The following KCP variants were observed in gnomAD, a reference collection of about 807,000 sequenced individuals.
KCP encodes the protein kielin cysteine rich BMP regulator, also known as kielin/chordin-like protein.
KCP carries 194 observed loss-of-function variants against 212.7 expected under a neutral mutation model. The observed-to-expected ratio is 0.91, with a 90% CI of 0.81 to 1.03. KCP has a LOEUF of 1.03. KCP is among the 50% of genes least tolerant of loss of function. The pLI is 0.00. For missense variants in KCP, 2,080 were observed against 2,162.5 expected (o/e 0.96, Z 0.76); for synonymous variants, 833 against 865.3 (o/e 0.96, Z 0.65).
Position 128,888,912 on chromosome 7 carries a change from G to C in KCP, c.2463C>G (p.Gly821=). 6.4e-7 allele frequency: 1 copy of C among 1,550,676 alleles called. No individual in the cohort carries two copies. Among genetic ancestry groups the C allele is most frequent in the South Asian group, 1.2e-5 (1 of 84,000 alleles). The part of the protein sequence containing the change: ...TCGRRPCEPP[G]CSHPLIPSGH... ...CAGAGGGGATGAGTGGGTGGCTGCAGCCCGGAGGCTCACAGGGCCGGCGGC... is the reference window on the plus strand; with the variant it reads ...CAGAGGGGATGAGTGGGTGGCTGCACCCCGGAGGCTCACAGGGCCGGCGGC... The change falls in exon 22 of 40, where the codon GGC becomes GGG. Residue 821 remains glycine (G), a synonymous_variant. Transcript: ENST00000610776.
At chr7:128,901,525 C>T (rs756387519) in intron 8 of KCP, among the ~76,000 whole-genome samples, 5 of 151,920 alleles carry the variant, frequency 3.3e-5, no homozygotes, top group East Asian at 1.9e-4. Flanking sequence ...ACTCGGGATA[C>T]GGAGGCAGGA....
At chr7:128,897,655 T>C (rs1794608806) in intron 8 of KCP, among the ~76,000 whole-genome samples, 1 of 152,256 alleles carries the variant, frequency 6.6e-6, no homozygotes, top group South Asian at 2.1e-4. Context: ...ACATTTGGTC[T>C]AAATTATGCA....
Position 128,909,652 on chromosome 7 carries a change from C to T in KCP, c.76+949G>A, listed in dbSNP as rs192374149. 4.2e-4 allele frequency among the ~76,000 whole-genome samples: 64 copies of T among 152,294 alleles called. 1 individual carries two copies. Among genetic ancestry groups the T allele is most frequent in the Admixed American group, 3.9e-3 (59 of 15,308 alleles). ...GCTGAAGACAAAGCGTCCCTGCCTC[C>T]ATCTGTGCCCCTTCTCTCCACTCGA... On this transcript the variant is annotated intron_variant, in intron 1 of 39. Coordinates refer to ENST00000610776, the MANE Select transcript of KCP (RefSeq NM_001366122.1).
intron 1 of KCP, among the ~76,000 whole-genome samples, chr7:128,910,260 A>C (rs1164017002): frequency 6.6e-6 from 1 of 152,196 alleles, no homozygotes; most frequent in Non-Finnish European, 1.5e-5. Flanking sequence ...GGAGGGCCAG[A>C]CACAGATGCA....
At chr7:128,910,502 G>C in intron 1 of KCP, 99 bp downstream of exon 1, 1 of 1,155,390 alleles carries the variant, frequency 8.7e-7, no homozygotes, top group Admixed American at 2.9e-5. Flanking sequence ...GCAGGGCTAA[G>C]AGCAGAGCCC....
intron 2 of KCP, among the ~76,000 whole-genome samples, 167 bp downstream of exon 2, chr7:128,908,259 A>AAAGAAAGAAAG (rs1795247816): frequency 9.2e-6 from 1 of 108,198 alleles, no homozygotes; most frequent in Non-Finnish European, 2.2e-5. Flanking sequence ...AAGAAGAAAG[A>AAAGAAAGAAAG]AAGAAAGAAA....
chr7:128,902,455 T>G (rs1264058325), intron 8 of KCP, among the ~76,000 whole-genome samples: 1 of 152,196 alleles, frequency 6.6e-6, no homozygotes, highest in Admixed American at 6.5e-5. Context: ...CAGCACAGTT[T>G]TAGATGCCTC....
chr7:128,889,162 G>C (rs560030633), intron 21 of KCP, 123 bp from the exon 22 acceptor site: 1 of 707,278 alleles, frequency 1.4e-6, no homozygotes, highest in African/African-American at 1.9e-5. Context: ...CGTGGGGGCT[G>C]GGGGGTCACA....
At chr7:128,906,139 G>A (rs1238783233) in intron 5 of KCP, 140 bp downstream of exon 5, 5 of 704,260 alleles carry the variant, frequency 7.1e-6, no homozygotes, top group Non-Finnish European at 1.3e-5. Flanking sequence ...TTGTGCATGG[G>A]TTCTGCACTC....
At position 128,886,915 on chromosome 7, in the gene KCP, G is replaced by T; in HGVS notation, c.2650C>A (p.His884Asn). Reference sequence around the variant, plus strand: ...CAGAAGCAGGGGCCTGGAGAGGGGTGGGGGCAGAGAGCTGGGGGACATGGC... The same window carrying T: ...CAGAAGCAGGGGCCTGGAGAGGGGTTGGGGCAGAGAGCTGGGGGACATGGC... The part of the protein sequence containing the change: ...KKPCPPALCP[H>N]PSPGPCFCPV... Residue 884 changes from histidine to asparagine, a missense_variant, in exon 24 of 40, where the codon CAC becomes AAC. Transcript: ENST00000610776. 3 of 1,531,878 alleles carry T rather than the reference G, an allele frequency of 2.0e-6. No homozygotes were observed. Among genetic ancestry groups the T allele is most frequent in the East Asian group, 2.4e-5 (1 of 40,854 alleles). The allele number at this position is 1,531,878 out of a possible 1,614,324, so 94.9% of individuals were successfully genotyped here. A position where few individuals can be genotyped will look rare whatever the true frequency, so the allele number is the denominator to read the frequency against.
intron 22 of KCP, among the ~76,000 whole-genome samples, chr7:128,888,119 TACAC>T (rs199831809): frequency 0.034 from 3,984 of 117,992 alleles, 87 homozygotes; most frequent in African/African-American, 0.061. Context: ...GCTACAGCCA[TACAC>T]ACACACACAC....
intron 22 of KCP, 101 bp downstream of exon 22, chr7:128,888,762 G>A: frequency 8.8e-7 from 1 of 1,132,376 alleles, no homozygotes. Context: ...AAAGTATGGT[G>A]GAGCGGCAGG....
In KCP at chr7:128,877,113, A is replaced by G. The variant is rs1793032875; in HGVS notation, c.4817T>C (p.Val1606Ala). 1.3e-6 allele frequency: 2 copies of G among 1,513,876 alleles called. No homozygotes were observed. The highest frequency in any genetic ancestry group is 2.8e-5 in the African/African-American group (2 of 70,764). The allele number at this position is 1,513,876 out of a possible 1,614,324, so 93.8% of individuals were successfully genotyped here. ...HCIPPEACPQ[V>A]LLTGDQPLGA... Reference sequence around the variant, plus strand: ...AAGTGGCTGGTCTCCAGTGAGCAGGACTTGGGGGCAGGCCTCGGGTGGGAT... The same window carrying G: ...AAGTGGCTGGTCTCCAGTGAGCAGGGCTTGGGGGCAGGCCTCGGGTGGGAT... Residue 1606 changes from valine to alanine, a missense_variant, in exon 40 of 40, where the codon GTC becomes GCC. By Grantham distance (64) the Val-to-Ala change is moderately conservative. Transcript: ENST00000610776.
In KCP at chr7:128,891,283, GGACC is replaced by G; in HGVS notation, c.1879-9_1879-6del. 1.9e-6 allele frequency: 3 copies of G among 1,547,400 alleles called. No individual in the cohort carries two copies. Among genetic ancestry groups the G allele is most frequent in the Non-Finnish European group, 2.6e-6 (3 of 1,146,644 alleles). On this transcript the variant is annotated splice_polypyrimidine_tract_variant and splice_region_variant and intron_variant, in intron 18 of 39. Transcript: ENST00000610776. Reference sequence around the variant, plus strand: ...CAGGCACTGCACGTTGCCGCTCTACGGACCGACAGACGCACCACGGGTCAGTGGG... The same window carrying G: ...CAGGCACTGCACGTTGCCGCTCTACGGACAGACGCACCACGGGTCAGTGGG...
In KCP at chr7:128,881,547, C is replaced by A. The variant is rs1585196696; in HGVS notation, c.3424+79G>T. ...CCGAGTACAAACCCTGGGCTGCCCG[C>A]TTGGCCCATGAATGCCTCCCCTTCC... On this transcript the variant is annotated intron_variant, in intron 31 of 39. Coordinates refer to ENST00000610776, the MANE Select transcript of KCP (RefSeq NM_001366122.1). The A allele has an allele frequency of 3.9e-6, 4 of 1,017,450 alleles. No homozygotes were observed. The East Asian group carries it at 1.1e-4, about 29-fold the overall frequency. The allele number at this position is 1,017,450 out of a possible 1,614,324, so 63.0% of individuals were successfully genotyped here.
chr7:128,910,234 G>C (rs1362755399), intron 1 of KCP, among the ~76,000 whole-genome samples: 1 of 152,130 alleles, frequency 6.6e-6, no homozygotes, highest in Non-Finnish European at 1.5e-5. Flanking sequence ...CTCCATTCCC[G>C]CCTGTCCTGC....
chr7:128,881,683 TGAGCTCAGGACAAG>T lies in KCP; in HGVS notation c.3353_3366del (p.Ala1118GlufsTer76). ...GTGTGGCGCTCTGAGAGGGGACAGC[TGAGCTCAGGACAAG>T]CCTGGTGGATGCAGAGCCATGTCAG... On this transcript the variant is annotated frameshift_variant, in exon 31 of 40. Transcript: ENST00000610776. LOFTEE classifies it high-confidence loss of function. The T allele has an allele frequency of 6.6e-7, 1 of 1,519,892 alleles. No homozygotes were observed. The highest frequency in any genetic ancestry group is 8.8e-7 in the Non-Finnish European group (1 of 1,139,242). The allele number at this position is 1,519,892 out of a possible 1,614,324, so 94.2% of individuals were successfully genotyped here. A position where few individuals can be genotyped will look rare whatever the true frequency, so the allele number is the denominator to read the frequency against.
intron 8 of KCP, 27 bp from the exon 9 acceptor site, chr7:128,894,320 G>A (rs1563042522): frequency 3.4e-6 from 5 of 1,481,210 alleles, no homozygotes; most frequent in Non-Finnish European, 4.5e-6. Flanking sequence ...ACAGGGGAAG[G>A]GGCCGACAGG....
chr7:128,903,788 G>T lies in KCP; in HGVS notation c.687C>A (p.Cys229Ter). Reference sequence around the variant, plus strand: ...CTGGCTCTGGGCAGGGGCTAGGCGGGCACTTCAGGGCCATGCAGCGAACTC... The same window carrying T: ...CTGGCTCTGGGCAGGGGCTAGGCGGTCACTTCAGGGCCATGCAGCGAACTC... ...RSRVRCMALK[C>*]PPSPCPEPVL... Residue 229 changes from cysteine (C) to a stop codon, truncating the protein, a stop_gained, in exon 7 of 40, where the codon TGC (cysteine) becomes TGA (stop). Coordinates refer to ENST00000610776, the MANE Select transcript of KCP (RefSeq NM_001366122.1). LOFTEE classifies it high-confidence loss of function. The T allele has an allele frequency of 6.5e-7, 1 of 1,526,954 alleles. No individual in the cohort carries two copies. The highest frequency in any genetic ancestry group is 8.8e-7 in the Non-Finnish European group (1 of 1,132,796). The allele number at this position is 1,526,954 out of a possible 1,614,324, so 94.6% of individuals were successfully genotyped here.
Sources: gnomAD v4.1 joint callset for allele counts (sites outside exome capture counted in the v4.1 genomes callset) on GRCh38, gnomAD v4.1.1 for gene constraint, MANE v1.5 for transcripts, NCBI Gene and HGNC (gene_info 2026-07-23, HGNC 2026-07-21) for gene names.